Variants in KANK1 observed in about 807,000 individuals in gnomAD.
KANK1 encodes the protein KN motif and ankyrin repeat domains 1.
KANK1 carries 109 observed loss-of-function variants against 106.2 expected under a neutral mutation model. That is an observed-to-expected ratio of 1.03 (90% confidence interval 0.88 to 1.20). KANK1 has a LOEUF of 1.20. KANK1 is among the 50% of genes most tolerant of loss of function. The pLI, the probability that KANK1 is intolerant of heterozygous loss-of-function variation, is 0.00. For missense variants in KANK1, 2,399 were observed against 1,710.7 expected (o/e 1.40, Z -7.10); for synonymous variants, 873 against 652.2 (o/e 1.34, Z -5.16).
chr9:735,816 A>C (rs1285827700), intron 7 of KANK1: 1 of 373,756 alleles, frequency 2.7e-6, no homozygotes, highest in South Asian at 1.9e-5. Flanking sequence ...CAACATGGTG[A>C]AACCCTTTCT....
chr9:738,191 C>G, intron 7 of KANK1, 94 bp from the exon 8 acceptor site: 1 of 1,023,612 alleles, frequency 9.8e-7, no homozygotes, highest in Non-Finnish European at 1.4e-6. Flanking sequence ...CATATATATA[C>G]TTTGACTATA....
At chr9:674,867 C>G (rs942526973) in intron 1 of KANK1, among the ~76,000 whole-genome samples, 4 of 152,038 alleles carry the variant, frequency 2.6e-5, no homozygotes, top group African/African-American at 9.7e-5. Flanking sequence ...CCAGCCTTGG[C>G]TAATTTTTGT....
chr9:472,547 T>C (rs2058040010), intron 2 of KANK1, among the ~76,000 whole-genome samples: 1 of 152,170 alleles, frequency 6.6e-6, no homozygotes, highest in African/African-American at 2.4e-5. Flanking sequence ...AGGCATGGCC[T>C]TGTGAATTAC....
chr9:608,031 A>ATTTTTTTTTTTTTTTTTTT (rs1175822024), intron 1 of KANK1, among the ~76,000 whole-genome samples: 1 of 88,100 alleles, frequency 1.1e-5, no homozygotes, highest in Non-Finnish European at 2.5e-5. Flanking sequence ...TATTATTATT[A>ATTTTTTTTTTTTTTTTTTT]TTATTTTTTT....
At chr9:645,697 C>T (rs1225221256) in intron 1 of KANK1, among the ~76,000 whole-genome samples, 1 of 150,604 alleles carries the variant, frequency 6.6e-6, no homozygotes, top group African/African-American at 2.5e-5. Context: ...GCCTGGCCAA[C>T]GTGGTGAAAC....
intron 1 of KANK1, among the ~76,000 whole-genome samples, chr9:584,221 C>G (rs1470527348): frequency 1.3e-5 from 2 of 152,080 alleles, no homozygotes; most frequent in Non-Finnish European, 2.9e-5. Context: ...TACAGAATTT[C>G]TATCAGAATA....
chr9:516,361 T>A (rs2059277980), intron 1 of KANK1, among the ~76,000 whole-genome samples: 1 of 151,768 alleles, frequency 6.6e-6, no homozygotes, highest in African/African-American at 2.4e-5. Flanking sequence ...GATTGAAGAT[T>A]GCTTAATTCA....
intron 3 of KANK1, among the ~76,000 whole-genome samples, chr9:490,050 C>G (rs2058352714): frequency 1.3e-5 from 2 of 152,154 alleles, no homozygotes; most frequent in African/African-American, 4.8e-5. Context: ...AATATTTGTT[C>G]AGGTTTTATA....
Position 676,871 on chromosome 9 carries a change from G to T in KANK1, c.-83-19G>T, listed in dbSNP as rs1816524298. 1 of 832,242 alleles carries T rather than the reference G, an allele frequency of 1.2e-6. No individual in the cohort carries two copies. Among genetic ancestry groups the T allele is most frequent in the Non-Finnish European group, 2.0e-6 (1 of 495,550 alleles). 51.6% of individuals were successfully genotyped at this position (832,242 alleles called of 1,614,324 possible). ...TTTTTAAATGATCCATTTTGATGGG[G>T]CTCTCTTTATTGTTTCAGGTTGAAT... On this transcript the variant is annotated intron_variant, in intron 1 of 11. Coordinates refer to ENST00000382297, the MANE Select transcript of KANK1 (RefSeq NM_015158.5).
At position 734,710 on chromosome 9, in the gene KANK1, T is replaced by C. The variant is rs202226487; in HGVS notation, c.3246-38T>C. 2.8e-4 allele frequency: 399 copies of C among 1,409,026 alleles called. 7 individuals are homozygous for C. The East Asian group carries it at 8.6e-3, about 30-fold the overall frequency. 87.3% of individuals were successfully genotyped at this position (1,409,026 alleles called of 1,614,324 possible). ...TGGGTTGAAATAAAAATGATTTTCT[T>C]CTTGTGACCAATCGTAACTTGTTTT... On this transcript the variant is annotated intron_variant, in intron 6 of 11. Transcript: ENST00000382297.
intron 1 of KANK1, among the ~76,000 whole-genome samples, chr9:569,183 T>C (rs1210845465): frequency 2.2e-5 from 3 of 137,516 alleles, no homozygotes; most frequent in African/African-American, 4.9e-5. Flanking sequence ...CCCTCTGTTT[T>C]ATCAACTTTG....
At chr9:640,781 C>T (rs1423119209) in intron 1 of KANK1, among the ~76,000 whole-genome samples, 1 of 150,994 alleles carries the variant, frequency 6.6e-6, no homozygotes, top group African/African-American at 2.4e-5. Context: ...ACTGCAAGCT[C>T]TGCCTGCCGG....
intron 1 of KANK1, among the ~76,000 whole-genome samples, chr9:670,963 T>G (rs113281532): frequency 0.24 from 34,744 of 143,780 alleles, 4,470 homozygotes; most frequent in East Asian, 0.34. Context: ...TTTTTTTTTT[T>G]TTTTTTTTTT....
intron 2 of KANK1, among the ~76,000 whole-genome samples, chr9:692,839 A>T (rs1820306641): frequency 6.6e-6 from 1 of 151,934 alleles, no homozygotes; most frequent in Non-Finnish European, 1.5e-5. Flanking sequence ...ACATAGTAAG[A>T]CCCCATCACT....
At chr9:647,276 A>ATTG (rs149789692) in intron 1 of KANK1, among the ~76,000 whole-genome samples, 1 of 57,804 alleles carries the variant, frequency 1.7e-5, no homozygotes, top group Non-Finnish European at 2.7e-5. Flanking sequence ...TAATTTTCTA[A>ATTG]TTATGACTAG....
At chr9:658,723 T>G (rs1234225389) in intron 1 of KANK1, among the ~76,000 whole-genome samples, 2 of 152,202 alleles carry the variant, frequency 1.3e-5, no homozygotes, top group Non-Finnish European at 2.9e-5. Context: ...CACTGTTTGT[T>G]GAAAAGACTT....
chr9:508,484 GAACATA>G (rs1161796603), intron 1 of KANK1, among the ~76,000 whole-genome samples: 3 of 152,170 alleles, frequency 2.0e-5, no homozygotes, highest in Admixed American at 2.0e-4. Flanking sequence ...GTCACAAAGT[GAACATA>G]AACATATAAC....
intron 1 of KANK1, among the ~76,000 whole-genome samples, chr9:529,810 C>T (rs143892430): frequency 6.6e-5 from 10 of 152,270 alleles, no homozygotes; most frequent in Non-Finnish European, 1.3e-4. Context: ...TATGGAATTA[C>T]CAGGTGAATG....
At chr9:647,128 A>G (rs550318000) in intron 1 of KANK1, among the ~76,000 whole-genome samples, 122 of 151,278 alleles carry the variant, frequency 8.1e-4, no homozygotes, top group Admixed American at 3.3e-4. Context: ...GGAGGGAGAC[A>G]TCCAAAGTTA....
Sources: gnomAD v4.1 joint callset for allele counts (sites outside exome capture counted in the v4.1 genomes callset) on GRCh38, gnomAD v4.1.1 for gene constraint, MANE v1.5 for transcripts, NCBI Gene and HGNC (gene_info 2026-07-23, HGNC 2026-07-21) for gene names.